The following LRRK2 variants were observed in gnomAD, a reference collection of about 807,000 sequenced individuals.
LRRK2 encodes leucine rich repeat kinase 2, also known as leucine-rich repeat serine/threonine-protein kinase 2.
LRRK2 carries 203 observed loss-of-function variants against 302.6 expected under a neutral mutation model. The observed-to-expected ratio is 0.67, with a 90% CI of 0.60 to 0.75. LRRK2 has a LOEUF of 0.75. Among genes scored for constraint, LRRK2 ranks in the 30% least tolerant of loss-of-function variants. The pLI is 0.00. For synonymous variants in LRRK2, 1,066 were observed against 1,031.9 expected (o/e 1.03, Z -0.63); for missense variants, 2,830 against 2,951.0 (o/e 0.96, Z 0.95).
chr12:40,308,618 A>T lies in LRRK2; in HGVS notation c.4111A>T (p.Ile1371Leu). 6.2e-7 allele frequency: 1 copy of T among 1,614,078 alleles called. No homozygotes were observed. Among genetic ancestry groups the T allele is most frequent in the South Asian group, 1.1e-5 (1 of 91,078 alleles). The change falls in exon 29 of 51, where the codon ATA becomes TTA. Residue 1371 changes from isoleucine to leucine, a missense_variant. By Grantham distance (5) the Ile-to-Leu change is conservative. This residue lies in a region of LRRK2 where 2,121 missense variants were observed against 2,148.0 expected (regional missense o/e 0.99). Transcript: ENST00000298910. ...TGGAATGCAAAGTGCCACAGTTGGCATAGATGTGAAAGACTGGCCTATCCA... is the reference window on the plus strand; with the variant it reads ...TGGAATGCAAAGTGCCACAGTTGGCTTAGATGTGAAAGACTGGCCTATCCA... ...DLGMQSATVG[I>L]DVKDWPIQIR...
intron 14 of LRRK2, among the ~76,000 whole-genome samples, chr12:40,269,432 C>G (rs1181008833): frequency 6.6e-6 from 1 of 152,040 alleles, no homozygotes; most frequent in African/African-American, 2.4e-5. Flanking sequence ...GTCTCAGGTA[C>G]CATCGTACCT....
Position 40,228,595 on chromosome 12 carries a change from T to C in LRRK2, c.237+2955T>C, listed in dbSNP as rs368064247. ...TTTTCTTTGTTGTGCAGAAGCTTTT[T>C]AGCTTGATATAATCCCATTTGCCTA... On this transcript the variant is annotated intron_variant, in intron 2 of 50. Transcript: ENST00000298910. Among the ~76,000 whole-genome samples, 9 of 152,286 alleles carry C rather than the reference T, an allele frequency of 5.9e-5. No homozygotes were observed. The East Asian group carries it at 1.5e-3, about 26-fold the overall frequency.
intron 13 of LRRK2, among the ~76,000 whole-genome samples, 193 bp downstream of exon 13, chr12:40,259,797 A>G (rs1942688636): frequency 6.6e-6 from 1 of 152,220 alleles, no homozygotes; most frequent in Non-Finnish European, 1.5e-5. Flanking sequence ...TAAGAAAGCA[A>G]TATGAATTCA....
chr12:40,335,236 C>A, intron 40 of LRRK2, 79 bp downstream of exon 40: 1 of 1,401,676 alleles, frequency 7.1e-7, no homozygotes, highest in East Asian at 2.3e-5. Flanking sequence ...AGAACACTTC[C>A]CAGTAACACT....
chr12:40,246,176 G>A (rs1941972688), intron 7 of LRRK2, among the ~76,000 whole-genome samples: 1 of 151,326 alleles, frequency 6.6e-6, no homozygotes, highest in Non-Finnish European at 1.5e-5. Flanking sequence ...GCTTTTAAAT[G>A]TTTGCTTTTA....
At position 40,368,292 on chromosome 12, in the gene LRRK2, T is replaced by C. The variant is rs1047764136; in HGVS notation, c.*527T>C. 1.3e-5 allele frequency: 2 copies of C among 152,026 alleles called. No individual in the cohort carries two copies. The highest frequency in any genetic ancestry group is 4.8e-5 in the African/African-American group (2 of 41,418). The allele number at this position is 152,026 out of a possible 1,614,324, so 9.4% of individuals were successfully genotyped here. ...GAATTTGCACTAATAAAGTCCTTTG[T>C]TGGTATGTGAATTCTCTTTGTTGCT... On this transcript the variant is annotated 3_prime_UTR_variant, in exon 51 of 51. Coordinates refer to ENST00000298910, the MANE Select transcript of LRRK2 (RefSeq NM_198578.4).
At chr12:40,249,977 C>A (rs72546316) in intron 8 of LRRK2, 32 bp downstream of exon 8, 23 of 1,611,676 alleles carry the variant, frequency 1.4e-5, no homozygotes, top group Non-Finnish European at 1.8e-5. Flanking sequence ...GGGATTCTTA[C>A]AGAGGCATTT....
intron 40 of LRRK2, among the ~76,000 whole-genome samples, chr12:40,339,599 A>G (rs569938653): frequency 3.3e-5 from 5 of 152,166 alleles, no homozygotes; most frequent in Non-Finnish European, 7.4e-5. Context: ...CCAAGACAAA[A>G]TTGTATTCAT....
chr12:40,358,815 T>A (rs1319538981), intron 46 of LRRK2, among the ~76,000 whole-genome samples: 1 of 152,188 alleles, frequency 6.6e-6, no homozygotes, highest in Non-Finnish European at 1.5e-5. Flanking sequence ...CTTTGGGTAG[T>A]ATGGTCATTT....
chr12:40,331,506 G>T (rs984879086), intron 39 of LRRK2, among the ~76,000 whole-genome samples: 2 of 152,076 alleles, frequency 1.3e-5, no homozygotes, highest in Non-Finnish European at 2.9e-5. Context: ...CAATCTTTTG[G>T]CTTCCCTGGG....
intron 16 of LRRK2, among the ~76,000 whole-genome samples, chr12:40,277,302 C>T (rs1015561887): frequency 1.3e-5 from 2 of 152,092 alleles, no homozygotes; most frequent in African/African-American, 4.8e-5. Context: ...AAAAAAGTAA[C>T]GGTGTTCTTT....
chr12:40,249,146 T>A (rs1044506707), intron 7 of LRRK2, among the ~76,000 whole-genome samples: 3 of 152,152 alleles, frequency 2.0e-5, no homozygotes, highest in African/African-American at 7.2e-5. Flanking sequence ...GCTTGGTAAC[T>A]GTTAGTGAGT....
At position 40,287,502 on chromosome 12, in the gene LRRK2, C is replaced by A. The variant is rs372233140; in HGVS notation, c.2652C>A (p.Asp884Glu). The change falls in exon 20 of 51, where the codon GAC becomes GAA. Residue 884 changes from aspartate (D) to glutamate (E), a missense_variant. Physicochemically the swap from Asp to Glu is conservative, Grantham distance 45. Coordinates refer to ENST00000298910, the MANE Select transcript of LRRK2 (RefSeq NM_198578.4). ...CCTTTATTCCTGACTCTTCTATGGACAGTGTGTTTGCTCAAAGTGATGACC... is the reference window on the plus strand; with the variant it reads ...CCTTTATTCCTGACTCTTCTATGGAAAGTGTGTTTGCTCAAAGTGATGACC... ...EWTFIPDSSM[D>E]SVFAQSDDLD... 12 of 1,612,436 alleles carry A rather than the reference C, an allele frequency of 7.4e-6. No homozygotes were observed. In the African/African-American group the frequency reaches 1.5e-4, roughly 20 times the overall value.
In LRRK2 at chr12:40,238,008, T is replaced by C; in HGVS notation, c.476T>C (p.Ile159Thr). 1 of 1,613,278 alleles carries C rather than the reference T, an allele frequency of 6.2e-7. No homozygotes were observed. Among genetic ancestry groups the C allele is most frequent in the Non-Finnish European group, 8.5e-7 (1 of 1,179,474 alleles). Residue 159 changes from isoleucine (I) to threonine (T), a missense_variant, in exon 5 of 51, where the codon ATT (isoleucine) becomes ACT (threonine). Ile to Thr is a moderately conservative substitution (Grantham distance 89). This residue lies in a region of LRRK2 where 2,121 missense variants were observed against 2,148.0 expected (regional missense o/e 0.99). Coordinates refer to ENST00000298910, the MANE Select transcript of LRRK2 (RefSeq NM_198578.4). ...CTGATATTGGATGAAGAAAGTGATATTTTCATGTTAATTTTTGATGCCATG... is the reference window on the plus strand; with the variant it reads ...CTGATATTGGATGAAGAAAGTGATACTTTCATGTTAATTTTTGATGCCATG... ...TLLILDEESD[I>T]FMLIFDAMHS... is the part of the protein sequence containing the mutation.
chr12:40,288,311 G>A (rs539426683), intron 20 of LRRK2, among the ~76,000 whole-genome samples: 11 of 151,608 alleles, frequency 7.3e-5, no homozygotes, highest in Admixed American at 2.0e-4. Context: ...ATTTTCATGC[G>A]CTTTGAAAAT....
intron 40 of LRRK2, among the ~76,000 whole-genome samples, chr12:40,339,509 G>A (rs1407657596): frequency 6.6e-6 from 1 of 152,106 alleles, no homozygotes; most frequent in African/African-American, 2.4e-5. Flanking sequence ...CTCTTTGCCT[G>A]AAATGTCCAA....
At chr12:40,284,206 T>C in intron 19 of LRRK2, 73 bp downstream of exon 19, 1 of 1,352,228 alleles carries the variant, frequency 7.4e-7, no homozygotes, top group Non-Finnish European at 1.0e-6. Context: ...AGTCTTTTAG[T>C]GGTTATTCAT....
At chr12:40,364,803 TTGG>T in intron 48 of LRRK2, 36 bp from the exon 49 acceptor site, 3 of 1,432,358 alleles carry the variant, frequency 2.1e-6, no homozygotes, top group South Asian at 1.2e-5. Context: ...TATCTCTTAA[TTGG>T]TGGTAAAATT....
chr12:40,304,416 A>T (rs1035302968), intron 27 of LRRK2: 1 of 506,162 alleles, frequency 2.0e-6, no homozygotes, highest in Admixed American at 3.8e-5. Context: ...TCCACTAAAC[A>T]ATAAAACAAT....
Sources: gnomAD v4.1 joint callset for allele counts (sites outside exome capture counted in the v4.1 genomes callset) on GRCh38, gnomAD v4.1.1 for gene constraint, gnomAD v4.1.1 regional missense constraint, MANE v1.5 for transcripts, NCBI Gene and HGNC (gene_info 2026-07-23, HGNC 2026-07-21) for gene names.